The following PCNX2 variants were observed in gnomAD, a reference collection of about 807,000 sequenced individuals.
PCNX2 encodes pecanex-like protein 2.
PCNX2 carries 168 observed loss-of-function variants against 223.8 expected under a neutral mutation model. The observed-to-expected ratio is 0.75, with a 90% CI of 0.66 to 0.85. The LOEUF (loss-of-function observed/expected upper bound fraction) is 0.85, where lower values mean the gene tolerates loss of function less well. Among genes scored for constraint, PCNX2 ranks in the 40% least tolerant of loss-of-function variants. The pLI, the probability that PCNX2 is intolerant of heterozygous loss-of-function variation, is 0.00. For missense variants in PCNX2, 2,507 were observed against 2,675.5 expected, an observed-to-expected ratio of 0.94 and a Z score of 1.39; for synonymous variants, 1,006 against 1,052.6, an observed-to-expected ratio of 0.96 and a Z score of 0.86.
At chr1:233,062,051 G>A (rs1174907661) in intron 23 of PCNX2, among the ~76,000 whole-genome samples, 1 of 152,152 alleles carries the variant, frequency 6.6e-6, no homozygotes, top group African/African-American at 2.4e-5. Context: ...GAGCCACTGC[G>A]CCTAGCCCCT....
chr1:233,003,157 G>A (rs1191029234), intron 28 of PCNX2, among the ~76,000 whole-genome samples: 1 of 152,132 alleles, frequency 6.6e-6, no homozygotes, highest in Non-Finnish European at 1.5e-5. Context: ...TGACAAATGG[G>A]ATCTAATTAA....
chr1:233,117,495 G>GGA lies in PCNX2; in HGVS notation c.3837+17516_3837+17517dup, dbSNP rs200489713. The stretch of plus-strand genomic sequence containing the variant: ...AAATACAAAAAATTAGCCGTATTCG[G>GGA]GAGGCTGAGGCAGGAGAAAGGCGTG... On this transcript the variant is annotated intron_variant, in intron 21 of 33. Coordinates refer to ENST00000258229, the MANE Select transcript of PCNX2 (RefSeq NM_014801.4). Among the ~76,000 whole-genome samples the GGA allele has an allele frequency of 8.0e-3, 1,206 of 151,648 alleles. 15 individuals carry two copies. The highest frequency in any genetic ancestry group is 0.027 in the African/African-American group (1,112 of 41,324).
intron 2 of PCNX2, 110 bp downstream of exon 2, chr1:233,262,848 A>C: frequency 6.2e-6 from 6 of 961,524 alleles, no homozygotes; most frequent in Non-Finnish European, 9.3e-6. Flanking sequence ...AAAAATGCAT[A>C]TATTTCTGTC....
intron 23 of PCNX2, among the ~76,000 whole-genome samples, chr1:233,078,068 A>G (rs1475296751): frequency 6.6e-6 from 1 of 152,260 alleles, no homozygotes; most frequent in Non-Finnish European, 1.5e-5. Context: ...TTTGCTTTCA[A>G]TAAAGTAGGA....
At chr1:233,194,515 A>G (rs964831467) in intron 15 of PCNX2, among the ~76,000 whole-genome samples, 1 of 152,234 alleles carries the variant, frequency 6.6e-6, no homozygotes, top group African/African-American at 2.4e-5. Context: ...AGATTTTTAA[A>G]TATCTTTATG....
In PCNX2 at chr1:233,207,942, C is replaced by A. The variant is rs140619983; in HGVS notation, c.2863+576G>T. Among the ~76,000 whole-genome samples, 679 of 152,164 alleles carry A rather than the reference C, an allele frequency of 4.5e-3. 11 individuals are homozygous for A. The highest frequency in any genetic ancestry group is 0.016 in the African/African-American group (650 of 41,508). Reference sequence around the variant, plus strand: ...CCCAGCAGGCACCGTAACAACCATTCTTCAGATGAGCATTTATTTTTTTTT... The same window carrying A: ...CCCAGCAGGCACCGTAACAACCATTATTCAGATGAGCATTTATTTTTTTTT... On this transcript the variant is annotated intron_variant, in intron 13 of 33. Coordinates refer to ENST00000258229, the MANE Select transcript of PCNX2 (RefSeq NM_014801.4).
intron 21 of PCNX2, among the ~76,000 whole-genome samples, chr1:233,106,091 G>A (rs1455056631): frequency 1.3e-5 from 2 of 152,146 alleles, no homozygotes; most frequent in Admixed American, 6.5e-5. Context: ...AGTGACTGAC[G>A]AGGGAGAGAT....
chr1:233,061,131 G>C (rs542017141), intron 23 of PCNX2, among the ~76,000 whole-genome samples: 5 of 152,172 alleles, frequency 3.3e-5, no homozygotes, highest in African/African-American at 1.2e-4. Flanking sequence ...ACTGCTGGCC[G>C]GAGTGAGAAG....
intron 1 of PCNX2, chr1:233,285,068 T>C (rs896581472): frequency 2.1e-6 from 2 of 955,652 alleles, no homozygotes; most frequent in African/African-American, 1.8e-5. Flanking sequence ...AAATAAAAAA[T>C]AGGGCCGGGT....
At chr1:233,210,793 C>T (rs545609173) in intron 12 of PCNX2, among the ~76,000 whole-genome samples, 1 of 152,282 alleles carries the variant, frequency 6.6e-6, no homozygotes, top group South Asian at 2.1e-4. Context: ...CTGCTTTTAA[C>T]CTTAAAATAC....
chr1:233,054,341 G>GA lies in PCNX2; in HGVS notation c.4277dup (p.Asn1427GlnfsTer8), dbSNP rs1196708721. Reference sequence around the variant, plus strand: ...TTTCAATCAGGTGAACAAAGGCATTGAGGTCATCTGAAGCCAAAATAAAGC... The same window carrying GA: ...TTTCAATCAGGTGAACAAAGGCATTGAAGGTCATCTGAAGCCAAAATAAAGC... On this transcript the variant is annotated frameshift_variant, in exon 25 of 34. Transcript: ENST00000258229. LOFTEE classifies it high-confidence loss of function. The GA allele has an allele frequency of 6.2e-7, 1 of 1,613,804 alleles. No homozygotes were observed. Among genetic ancestry groups the GA allele is most frequent in the East Asian group, 2.2e-5 (1 of 44,882 alleles).
chr1:233,074,195 T>C (rs952340634), intron 23 of PCNX2, among the ~76,000 whole-genome samples: 11 of 152,182 alleles, frequency 7.2e-5, no homozygotes, highest in African/African-American at 2.7e-4. Flanking sequence ...TAAAAACTTA[T>C]CGAGGATTGT....
intron 25 of PCNX2, among the ~76,000 whole-genome samples, chr1:233,031,028 T>C (rs906339697): frequency 6.6e-6 from 1 of 152,212 alleles, no homozygotes; most frequent in Non-Finnish European, 1.5e-5. Flanking sequence ...TCCACCTTCC[T>C]ATACTGTAAA....
chr1:233,121,980 G>A (rs887213256), intron 21 of PCNX2, among the ~76,000 whole-genome samples: 1 of 151,900 alleles, frequency 6.6e-6, no homozygotes, highest in Non-Finnish European at 1.5e-5. Context: ...AAATAGAACA[G>A]GGTTTCCTGG....
chr1:232,986,388 C>T lies in PCNX2; in HGVS notation c.5944G>A (p.Gly1982Ser). 1 of 1,603,058 alleles carries T rather than the reference C, an allele frequency of 6.2e-7. No individual in the cohort carries two copies. Among genetic ancestry groups the T allele is most frequent in the South Asian group, 1.1e-5 (1 of 89,058 alleles). ...GAGGCGTGCAAGGAGAGCCGGCTGC[C>T]CGAGAGCCTCTGGGCCAGCTCGTGC... ...SVHELAQRLS[G>S]SRLSLHASAT... Residue 1982 changes from glycine (G) to serine (S), a missense_variant, in exon 33 of 34, where the codon GGC (glycine) becomes AGC (serine). Gly to Ser is a moderately conservative substitution (Grantham distance 56). Transcript: ENST00000258229.
At chr1:233,234,758 A>T (rs1362420463) in intron 9 of PCNX2, among the ~76,000 whole-genome samples, 1 of 152,176 alleles carries the variant, frequency 6.6e-6, no homozygotes, top group African/African-American at 2.4e-5. Context: ...TGAAGGTTCA[A>T]CACTAATGTT....
chr1:233,250,485 A>T, intron 8 of PCNX2: 1 of 850,856 alleles, frequency 1.2e-6, no homozygotes, highest in Non-Finnish European at 1.4e-6. Context: ...TTATGTTTAT[A>T]CAGAGTTCCT....
chr1:233,198,991 C>A lies in PCNX2; in HGVS notation c.3014G>T (p.Arg1005Leu). The change falls in exon 15 of 34, where the codon CGG (arginine) becomes CTG (leucine). Residue 1005 changes from arginine (R) to leucine (L), a missense_variant. Around this residue, in one of 3 missense-constraint regions of PCNX2, gnomAD observed 1,372 missense variants for 1,509.4 expected, o/e 0.91. Coordinates refer to ENST00000258229, the MANE Select transcript of PCNX2 (RefSeq NM_014801.4). Reference protein sequence around the residue: ...GITSAVYSVARSVLAAALLHA... With the variant: ...GITSAVYSVALSVLAAALLHA... The stretch of plus-strand genomic sequence containing the variant: ...GAGCAGGGCGGCAGCCAAGACGCTC[C>A]GGGCCACACTGTAAACAGCCGAGGT... 6.2e-7 allele frequency: 1 copy of A among 1,605,392 alleles called. No individual in the cohort carries two copies. The highest frequency in any genetic ancestry group is 2.2e-5 in the East Asian group (1 of 44,500).
At chr1:233,022,695 CTTTT>C (rs372153367) in intron 26 of PCNX2, among the ~76,000 whole-genome samples, 19,322 of 128,112 alleles carry the variant, frequency 0.15, 1,655 homozygotes, top group African/African-American at 0.27. Flanking sequence ...CTTTTTCTTT[CTTTT>C]TTTTTTTTTT....
Sources: allele counts gnomAD v4.1 joint callset (sites outside exome capture counted in the v4.1 genomes callset), GRCh38; gene constraint gnomAD v4.1.1; regional missense constraint gnomAD v4.1.1; transcripts MANE v1.5; gene names NCBI Gene and HGNC (gene_info 2026-07-23, HGNC 2026-07-21).